SCAMP1: variants seen among roughly 807,000 people sequenced by gnomAD.
SCAMP1 encodes secretory carrier membrane protein 1, also known as secretory carrier-associated membrane protein 1.
In SCAMP1, 15 loss-of-function variants were observed where a neutral mutation model predicts 41.8. The ratio of observed to expected loss-of-function variants is 0.36; its 90% CI spans 0.24 to 0.55. SCAMP1 has a LOEUF of 0.55. Among genes scored for constraint, SCAMP1 ranks in the 20% least tolerant of loss-of-function variants. SCAMP1 has a pLI of 0.86. For synonymous variants in SCAMP1, 135 were observed against 136.8 expected (o/e 0.99, Z 0.09); for missense variants, 341 against 412.6 (o/e 0.83, Z 1.50).
intron 8 of SCAMP1, among the ~76,000 whole-genome samples, chr5:78,464,508 T>C (rs1416934652): frequency 6.6e-6 from 1 of 152,162 alleles, no homozygotes; most frequent in Non-Finnish European, 1.5e-5. Context: ...AGAAATTCTT[T>C]TTACAGGTTA....
intron 2 of SCAMP1, among the ~76,000 whole-genome samples, chr5:78,401,915 T>TG (rs1233110012): frequency 6.6e-6 from 1 of 152,142 alleles, no homozygotes; most frequent in Non-Finnish European, 1.5e-5. Flanking sequence ...CATGGAAACT[T>TG]GGAGTATGGA....
At chr5:78,423,012 GCGCGCACACACACACACACACA>G (rs1303404428) in intron 6 of SCAMP1, among the ~76,000 whole-genome samples, 98 of 150,798 alleles carry the variant, frequency 6.5e-4, no homozygotes, top group Non-Finnish European at 1.2e-3. Context: ...ACACACGCGC[GCGCGCACACACACACACACACA>G]CACACACACA....
At position 78,360,659 on chromosome 5, in the gene SCAMP1, G is replaced by A. The variant is rs777816777; in HGVS notation, c.-13G>A. On this transcript the variant is annotated 5_prime_UTR_variant, in exon 1 of 9. Transcript: ENST00000621999. ...GCGCCTGGGTCGGGTGGGTGACGCC[G>A]AGAGCCAGAGAGATGTCGGATTTCG... 14 of 1,605,722 alleles carry A rather than the reference G, an allele frequency of 8.7e-6. No homozygotes were observed. The highest frequency in any genetic ancestry group is 1.2e-5 in the Non-Finnish European group (14 of 1,176,618).
intron 5 of SCAMP1, among the ~76,000 whole-genome samples, 184 bp downstream of exon 5, chr5:78,419,087 A>G (rs778747822): frequency 7.2e-5 from 11 of 152,188 alleles, no homozygotes; most frequent in Non-Finnish European, 1.5e-4. Flanking sequence ...ATATGTGACA[A>G]TGTAAGTCCT....
chr5:78,404,185 T>G (rs918833527), intron 2 of SCAMP1, among the ~76,000 whole-genome samples: 7 of 151,686 alleles, frequency 4.6e-5, no homozygotes, highest in Non-Finnish European at 1.0e-4. Flanking sequence ...TTTATGTGGA[T>G]CCAAGTTTCT....
At chr5:78,376,046 A>G (rs4590164) in intron 1 of SCAMP1, among the ~76,000 whole-genome samples, 112,394 of 151,990 alleles carry the variant, frequency 0.74, 42,027 homozygotes, top group African/African-American at 0.77. Flanking sequence ...CTGTTCATAC[A>G]CCCCCTCCCC....
At chr5:78,395,629 T>G (rs1434875994) in intron 2 of SCAMP1, among the ~76,000 whole-genome samples, 9 of 152,208 alleles carry the variant, frequency 5.9e-5, no homozygotes, top group Admixed American at 5.2e-4. Context: ...TTATATAGAT[T>G]GCTGGCAGAA....
intron 2 of SCAMP1, among the ~76,000 whole-genome samples, chr5:78,411,949 A>G (rs1464768846): frequency 6.6e-6 from 1 of 152,126 alleles, no homozygotes; most frequent in Non-Finnish European, 1.5e-5. Flanking sequence ...TAATCCTATG[A>G]TAATCATTTT....
intron 2 of SCAMP1, among the ~76,000 whole-genome samples, chr5:78,414,389 T>C (rs543851433): frequency 6.6e-6 from 1 of 152,200 alleles, no homozygotes; most frequent in Non-Finnish European, 1.5e-5. Context: ...TTCAAGCGAT[T>C]CTTCTGCCTC....
At chr5:78,386,476 C>T (rs1221157980) in intron 1 of SCAMP1, among the ~76,000 whole-genome samples, 1 of 151,868 alleles carries the variant, frequency 6.6e-6, no homozygotes, top group Non-Finnish European at 1.5e-5. Flanking sequence ...ATGTGAGGTA[C>T]TGTTCTATTC....
At chr5:78,437,527 G>A (rs978455457) in intron 6 of SCAMP1, among the ~76,000 whole-genome samples, 46 of 152,100 alleles carry the variant, frequency 3.0e-4, no homozygotes, top group African/African-American at 7.5e-4. Flanking sequence ...ATTGATTTGC[G>A]CATGTTGAAC....
At chr5:78,369,402 C>T (rs925172795) in intron 1 of SCAMP1, among the ~76,000 whole-genome samples, 2 of 152,056 alleles carry the variant, frequency 1.3e-5, no homozygotes, top group African/African-American at 2.4e-5. Context: ...TCATCGTGCC[C>T]GGCCAGGACA....
intron 6 of SCAMP1, among the ~76,000 whole-genome samples, chr5:78,435,822 A>G: frequency 6.6e-6 from 1 of 152,182 alleles, no homozygotes; most frequent in East Asian, 1.9e-4. Context: ...CAATGGTTGA[A>G]CTAATTTACA....
chr5:78,403,138 T>G (rs1470589073), intron 2 of SCAMP1, among the ~76,000 whole-genome samples: 1 of 152,220 alleles, frequency 6.6e-6, no homozygotes, highest in African/African-American at 2.4e-5. Context: ...CCCAAAGTGC[T>G]GGGATTACAG....
intron 1 of SCAMP1, among the ~76,000 whole-genome samples, chr5:78,386,225 T>A (rs745559655): frequency 1.5e-4 from 23 of 152,202 alleles, no homozygotes; most frequent in Non-Finnish European, 2.9e-5. Flanking sequence ...TTGTCTTTTT[T>A]AAGTGCTGTT....
chr5:78,361,629 A>G (rs772256986), intron 1 of SCAMP1, among the ~76,000 whole-genome samples: 6 of 152,268 alleles, frequency 3.9e-5, no homozygotes, highest in Non-Finnish European at 8.8e-5. Context: ...TGCAACATCT[A>G]AATAACTCTC....
At chr5:78,409,732 T>G (rs1356347164) in intron 2 of SCAMP1, among the ~76,000 whole-genome samples, 2 of 152,222 alleles carry the variant, frequency 1.3e-5, no homozygotes, top group African/African-American at 4.8e-5. Flanking sequence ...AACTATGGCC[T>G]TAAATATATC....
At chr5:78,440,103 C>T (rs1053033751) in intron 6 of SCAMP1, among the ~76,000 whole-genome samples, 3 of 152,252 alleles carry the variant, frequency 2.0e-5, no homozygotes, top group South Asian at 2.1e-4. Flanking sequence ...GTTAGCCATT[C>T]GTCTAATCCT....
chr5:78,361,324 T>C (rs1482517134), intron 1 of SCAMP1, among the ~76,000 whole-genome samples: 1 of 152,156 alleles, frequency 6.6e-6, no homozygotes, highest in East Asian at 1.9e-4. Context: ...TTCTGTTAGG[T>C]TGAGGTTGAG....
Sources: allele counts gnomAD v4.1 joint callset (sites outside exome capture counted in the v4.1 genomes callset), GRCh38; gene constraint gnomAD v4.1.1; transcripts MANE v1.5; gene names NCBI Gene and HGNC (gene_info 2026-07-23, HGNC 2026-07-21).